The following IMMP1L variants were observed in gnomAD, a reference collection of about 807,000 sequenced individuals.
IMMP1L encodes the protein mitochondrial inner membrane protease subunit 1.
A neutral mutation model predicts 21.8 loss-of-function variants in IMMP1L; 24 were observed. The ratio of observed to expected loss-of-function variants is 1.10; its 90% confidence interval spans 0.80 to 1.55. The LOEUF is 1.55. Among genes scored for constraint, IMMP1L ranks in the 40% most tolerant of loss-of-function variants. The probability of loss-of-function intolerance (pLI) is 0.00; values close to 1 mark genes in which losing one functional copy is unlikely to be tolerated. For missense variants in IMMP1L, 195 were observed against 200.7 expected, an observed-to-expected ratio of 0.97 and a Z score of 0.17; for synonymous variants, 46 against 62.8, an observed-to-expected ratio of 0.73 and a Z score of 1.26.
At chr11:31,441,091 T>A (rs1442212657) in intron 4 of IMMP1L, among the ~76,000 whole-genome samples, 1 of 152,142 alleles carries the variant, frequency 6.6e-6, no homozygotes, top group South Asian at 2.1e-4. Flanking sequence ...AACTGTAAAA[T>A]TTTTAAAATA....
chr11:31,462,329 A>G (rs540746527), intron 2 of IMMP1L, among the ~76,000 whole-genome samples: 23 of 139,446 alleles, frequency 1.6e-4, no homozygotes, highest in Admixed American at 1.6e-3. Flanking sequence ...AAAAAAAAAA[A>G]AAGAAGGGAA....
At chr11:31,456,491 C>A in intron 3 of IMMP1L, 105 bp from the exon 4 acceptor site, 1 of 837,222 alleles carries the variant, frequency 1.2e-6, no homozygotes, top group Non-Finnish European at 1.9e-6. Context: ...AAAGCCATAA[C>A]CTTTATCCTC....
chr11:31,507,314 T>C (rs1466555277), intron 1 of IMMP1L, among the ~76,000 whole-genome samples: 1 of 151,944 alleles, frequency 6.6e-6, no homozygotes, highest in Admixed American at 6.5e-5. Flanking sequence ...TATCCTACGA[T>C]AGTGTTATAC....
chr11:31,503,485 C>T (rs1471044582), intron 1 of IMMP1L, among the ~76,000 whole-genome samples: 2 of 151,838 alleles, frequency 1.3e-5, no homozygotes, highest in African/African-American at 2.4e-5. Flanking sequence ...TTAAAGATTA[C>T]GTGAAAAATC....
intron 4 of IMMP1L, among the ~76,000 whole-genome samples, chr11:31,450,078 T>C (rs1021416245): frequency 7.2e-5 from 11 of 152,140 alleles, no homozygotes; most frequent in African/African-American, 2.7e-4. Context: ...CATTTTACAA[T>C]AAACCACAGA....
At chr11:31,473,673 G>T in intron 1 of IMMP1L, 1 of 746,704 alleles carries the variant, frequency 1.3e-6, no homozygotes, top group Non-Finnish European at 1.6e-6. Context: ...CTGGGCATAG[G>T]CATCCAATTC....
At chr11:31,497,716 T>C (rs1466731896) in intron 1 of IMMP1L, among the ~76,000 whole-genome samples, 1 of 152,160 alleles carries the variant, frequency 6.6e-6, no homozygotes, top group Non-Finnish European at 1.5e-5. Context: ...TGCCAAAGTG[T>C]TGGGATTACA....
At chr11:31,492,930 T>C (rs913301497) in intron 1 of IMMP1L, among the ~76,000 whole-genome samples, 1 of 152,268 alleles carries the variant, frequency 6.6e-6, no homozygotes, top group Non-Finnish European at 1.5e-5. Context: ...GTTTGAAATA[T>C]TGCAAGAATT....
At chr11:31,493,737 G>C (rs907554289) in intron 1 of IMMP1L, among the ~76,000 whole-genome samples, 1 of 152,208 alleles carries the variant, frequency 6.6e-6, no homozygotes, top group Admixed American at 6.5e-5. Flanking sequence ...AAGGGTACAA[G>C]CGTTGGGTAA....
At chr11:31,468,478 G>C (rs1424321184) in intron 1 of IMMP1L, among the ~76,000 whole-genome samples, 2 of 152,120 alleles carry the variant, frequency 1.3e-5, no homozygotes, top group African/African-American at 4.8e-5. Flanking sequence ...TTAAATCCAA[G>C]TGAAGTGTAT....
chr11:31,464,546 C>T lies in IMMP1L; in HGVS notation c.-29-1241G>A, dbSNP rs575315288. On this transcript the variant is annotated intron_variant, in intron 1 of 5. Transcript: ENST00000532287. ...AGATGCAACAATCCTTAACAAAATA[C>T]TAGCAAACCAAACCCAACAACGCAT... Among the ~76,000 whole-genome samples, 10 of 152,224 alleles carry T rather than the reference C, an allele frequency of 6.6e-5. No homozygotes were observed. In the South Asian group the frequency reaches 2.1e-3, roughly 32 times the overall value.
At chr11:31,474,746 T>G (rs541510175) in intron 1 of IMMP1L, among the ~76,000 whole-genome samples, 1 of 152,186 alleles carries the variant, frequency 6.6e-6, no homozygotes, top group Non-Finnish European at 1.5e-5. Context: ...AGGAAATAAC[T>G]GCCATTACTT....
At chr11:31,450,767 G>A (rs1458301213) in intron 4 of IMMP1L, among the ~76,000 whole-genome samples, 4 of 152,234 alleles carry the variant, frequency 2.6e-5, no homozygotes, top group South Asian at 4.1e-4. Flanking sequence ...GAGCAAGTTT[G>A]CAGTAGAAAC....
At chr11:31,470,172 G>C (rs1306732095) in intron 1 of IMMP1L, among the ~76,000 whole-genome samples, 3 of 152,168 alleles carry the variant, frequency 2.0e-5, no homozygotes, top group Non-Finnish European at 2.9e-5. Context: ...CCAACACTTT[G>C]GGAGGCCAAG....
At chr11:31,485,117 T>C (rs1955028807) in intron 1 of IMMP1L, among the ~76,000 whole-genome samples, 1 of 151,848 alleles carries the variant, frequency 6.6e-6, no homozygotes, top group Non-Finnish European at 1.5e-5. Flanking sequence ...TCTAAATGAA[T>C]GTTTTCCTAA....
intron 4 of IMMP1L, among the ~76,000 whole-genome samples, chr11:31,453,348 C>T (rs1953823218): frequency 6.6e-6 from 1 of 152,178 alleles, no homozygotes; most frequent in Non-Finnish European, 1.5e-5. Flanking sequence ...GAAGCACCTA[C>T]ATACAAGAAT....
At chr11:31,443,267 C>T (rs1471551358) in intron 4 of IMMP1L, among the ~76,000 whole-genome samples, 1 of 152,100 alleles carries the variant, frequency 6.6e-6, no homozygotes, top group Non-Finnish European at 1.5e-5. Context: ...AGTCATGTAA[C>T]AGCAAAATTG....
Position 31,460,788 on chromosome 11 carries a change from T to G in IMMP1L, c.106-74A>C, listed in dbSNP as rs981342269. 3.7e-6 allele frequency: 4 copies of G among 1,067,726 alleles called. No individual in the cohort carries two copies. In the African/African-American group the frequency reaches 4.9e-5, roughly 13 times the overall value. The allele number at this position is 1,067,726 out of a possible 1,614,324, so 66.1% of individuals were successfully genotyped here. On this transcript the variant is annotated intron_variant, in intron 2 of 5. Coordinates refer to ENST00000532287, the MANE Select transcript of IMMP1L (RefSeq NM_001304274.2). ...TTAACATAAATCTTTTAAGCAAGCT[T>G]AAAAGAAAGAAAATCAAGCAAATGT...
chr11:31,492,659 G>A (rs560617065), intron 1 of IMMP1L, among the ~76,000 whole-genome samples: 1 of 152,288 alleles, frequency 6.6e-6, no homozygotes, highest in East Asian at 1.9e-4. Flanking sequence ...CCACTTTAAA[G>A]ACCACTGTAT....
Sources: allele counts gnomAD v4.1 joint callset (sites outside exome capture counted in the v4.1 genomes callset), GRCh38; gene constraint gnomAD v4.1.1; transcripts MANE v1.5; gene names NCBI Gene and HGNC (gene_info 2026-07-23, HGNC 2026-07-21).